The following BPIFB2 variants were observed in gnomAD, a reference collection of about 807,000 sequenced individuals.
The protein encoded by BPIFB2 is BPI fold containing family B member 2, also known as BPI fold-containing family B member 2.
A neutral mutation model predicts 50.1 loss-of-function variants in BPIFB2; 39 were observed. The ratio of observed to expected loss-of-function variants is 0.78; its 90% CI spans 0.60 to 1.02. The LOEUF is 1.02. Among genes scored for constraint, BPIFB2 ranks in the 50% least tolerant of loss-of-function variants. The pLI is 0.00. For synonymous variants in BPIFB2, 280 were observed against 256.3 expected, an observed-to-expected ratio of 1.09 and a Z score of -0.88; for missense variants, 574 against 585.8, an observed-to-expected ratio of 0.98 and a Z score of 0.21.
At position 33,008,674 on chromosome 20, in the gene BPIFB2, T is replaced by C. The variant is rs766441754; in HGVS notation, c.100T>C (p.Leu34=). 67 of 1,602,604 alleles carry C rather than the reference T, an allele frequency of 4.2e-5. No homozygotes were observed. The highest frequency in any genetic ancestry group is 1.7e-4 in the South Asian group (15 of 88,810). The change falls in exon 2 of 16, where the codon TTG becomes CTG. Residue 34 remains leucine (L), a synonymous_variant. Transcript: ENST00000170150. The part of the protein sequence containing the change: ...GTVVRLNKAA[L]SYVSEIGKAP... Reference sequence around the variant, plus strand: ...CGTGGTCCGACTCAACAAGGCAGCATTGAGCTACGGTAAGCGGTGTGTTAC... The same window carrying C: ...CGTGGTCCGACTCAACAAGGCAGCACTGAGCTACGGTAAGCGGTGTGTTAC...
rs370240092 is a variant in BPIFB2 at position 33,018,717 on chromosome 20, C to T, written c.750C>T (p.Thr250=). 15 of 1,614,078 alleles carry T rather than the reference C, an allele frequency of 9.3e-6. No homozygotes were observed. In the East Asian group the frequency reaches 1.6e-4, roughly 17 times the overall value. Reference sequence around the variant, plus strand: ...TTGTGTTGCCAAGGCATGTGGGTACCGAGGGCTCCATGGCCACCGTGGGCC... The same window carrying T: ...TTGTGTTGCCAAGGCATGTGGGTACTGAGGGCTCCATGGCCACCGTGGGCC... ...TPFVLPRHVG[T]EGSMATVGLS... is the part of the protein sequence containing the mutation. The change falls in exon 9 of 16, where the codon ACC becomes ACT. Residue 250 remains threonine (T), a synonymous_variant. Transcript: ENST00000170150.
Position 33,018,821 on chromosome 20 carries a change from T to C in BPIFB2, c.854T>C (p.Leu285Pro). 3 of 1,610,584 alleles carry C rather than the reference T, an allele frequency of 1.9e-6. No homozygotes were observed. Among genetic ancestry groups the C allele is most frequent in the Non-Finnish European group, 2.5e-6 (3 of 1,178,580 alleles). The change falls in exon 9 of 16, where the codon CTG becomes CCG. Residue 285 changes from leucine to proline, a missense_variant and splice_region_variant. Transcript: ENST00000170150. ...GALNLDITGQ[L>P]RSDDNLLNTS... ...CTCAACCTGGACATCACAGGGCAGC[T>C]GGTGAGGGCCCGACCTGCAGCCCAG...
Position 33,023,360 on chromosome 20 carries a change from AGTG to A in BPIFB2, c.1356_1358del (p.Ser452_Gly453delinsArg). The A allele has an allele frequency of 1.2e-6, 2 of 1,613,964 alleles. No homozygotes were observed. The highest frequency in any genetic ancestry group is 1.7e-6 in the Non-Finnish European group (2 of 1,179,916). ...CCTTCAGGGCTACGTGGTGATATCC[AGTG>A]GACTCTTCTACCAGAGCTGAGGCAA... On this transcript the variant is annotated inframe_deletion, in exon 16 of 16. Transcript: ENST00000170150.
At chr20:33,021,132 G>A in intron 13 of BPIFB2, 149 bp from the exon 14 acceptor site, 1 of 859,248 alleles carries the variant, frequency 1.2e-6, no homozygotes, top group Non-Finnish European at 1.8e-6. Flanking sequence ...CCCAGGACAT[G>A]GGTGATCTGC....
chr20:33,021,831 T>G (rs775762145), intron 15 of BPIFB2, 32 bp downstream of exon 15: 2 of 1,593,436 alleles, frequency 1.3e-6, no homozygotes, highest in Non-Finnish European at 1.7e-6. Context: ...CAGAGGGGCC[T>G]CCTTCACTCA....
At chr20:33,019,809 CT>C in intron 11 of BPIFB2, 59 bp downstream of exon 11, 1 of 1,491,064 alleles carries the variant, frequency 6.7e-7, no homozygotes, top group South Asian at 1.4e-5. Context: ...TCCCTCCCTG[CT>C]TCACTGTCCC....
At chr20:33,018,467 T>A in intron 8 of BPIFB2, 117 bp downstream of exon 8, 1 of 1,291,408 alleles carries the variant, frequency 7.7e-7, no homozygotes, top group Non-Finnish European at 1.1e-6. Flanking sequence ...GCTGGAATAG[T>A]GTCCCAGCCG....
intron 3 of BPIFB2, 143 bp downstream of exon 3, chr20:33,011,260 C>A (rs1308831014): frequency 8.4e-6 from 6 of 717,562 alleles, no homozygotes; most frequent in Non-Finnish European, 1.4e-5. Context: ...GTGTTCCAGT[C>A]CACCAGATGA....
intron 13 of BPIFB2, among the ~76,000 whole-genome samples, chr20:33,020,921 T>G (rs543045362): frequency 1.3e-5 from 2 of 152,260 alleles, no homozygotes; most frequent in South Asian, 2.1e-4. Flanking sequence ...CATGCCCCCC[T>G]TCTACCCAGC....
rs115238812 is a variant in BPIFB2 at position 33,016,617 on chromosome 20, G to A, written c.517-425G>A. Reference sequence around the variant, plus strand: ...CAGGGAAAACCTCTGTAGCTCCCTGGCCTGGCATCTGAAGCTTGGCCTGGT... The same window carrying A: ...CAGGGAAAACCTCTGTAGCTCCCTGACCTGGCATCTGAAGCTTGGCCTGGT... On this transcript the variant is annotated intron_variant, in intron 6 of 15. Transcript: ENST00000170150. 5.1e-3 allele frequency among the ~76,000 whole-genome samples: 771 copies of A among 152,284 alleles called. 7 individuals carry two copies. The highest frequency in any genetic ancestry group is 0.017 in the African/African-American group (719 of 41,548).
In BPIFB2 at chr20:33,015,413, C is replaced by T. The variant is rs781404155; in HGVS notation, c.456-23C>T. 21 of 1,605,510 alleles carry T rather than the reference C, an allele frequency of 1.3e-5. 1 individual carries two copies. In the South Asian group the frequency reaches 2.0e-4, roughly 15 times the overall value. ...CTTAATATGTTTGGGAGCCCAGGAA[C>T]TCTTTCTGTGTTTCTCCCTCAGCAC... On this transcript the variant is annotated intron_variant, in intron 5 of 15. Coordinates refer to ENST00000170150, the MANE Select transcript of BPIFB2 (RefSeq NM_025227.3).
At chr20:33,022,273 A>G (rs1978702700) in intron 15 of BPIFB2, among the ~76,000 whole-genome samples, 1 of 152,218 alleles carries the variant, frequency 6.6e-6, no homozygotes, top group Non-Finnish European at 1.5e-5. Context: ...TGGGATATAA[A>G]AGGAAATTCA....
chr20:33,014,671 T>G (rs1307903374), intron 5 of BPIFB2, among the ~76,000 whole-genome samples: 4 of 152,208 alleles, frequency 2.6e-5, no homozygotes, highest in Non-Finnish European at 5.9e-5. Flanking sequence ...GCTGAGGTGT[T>G]GAGCATCTTG....
At chr20:33,010,442 C>T (rs542106037) in intron 2 of BPIFB2, among the ~76,000 whole-genome samples, 1 of 152,342 alleles carries the variant, frequency 6.6e-6, no homozygotes, top group African/African-American at 2.4e-5. Context: ...TTACAATGAT[C>T]CTATGTGACA....
In BPIFB2 at chr20:33,023,608, C is replaced by T. The variant is rs543242829; in HGVS notation, c.*225C>T. ...CTCCTCCCTCTTCCCTCATCTCCCCCCTCCTTCCTCTGCCCCACCCCAGCG... is the reference window on the plus strand; with the variant it reads ...CTCCTCCCTCTTCCCTCATCTCCCCTCTCCTTCCTCTGCCCCACCCCAGCG... On this transcript the variant is annotated 3_prime_UTR_variant, in exon 16 of 16. Transcript: ENST00000170150. 1.5e-5 allele frequency: 9 copies of T among 618,094 alleles called. No homozygotes were observed. The highest frequency in any genetic ancestry group is 7.5e-5 in the South Asian group (4 of 53,306). 38.3% of individuals were successfully genotyped at this position (618,094 alleles called of 1,614,324 possible). A position where few individuals can be genotyped will look rare whatever the true frequency, so the allele number is the denominator to read the frequency against.
chr20:33,014,562 A>G (rs1478387112), intron 5 of BPIFB2, among the ~76,000 whole-genome samples: 1 of 152,150 alleles, frequency 6.6e-6, no homozygotes, highest in African/African-American at 2.4e-5. Context: ...CCGGCTGACA[A>G]ATGGTGTAAC....
At chr20:33,011,917 T>G (rs1990294498) in intron 3 of BPIFB2, among the ~76,000 whole-genome samples, 1 of 152,150 alleles carries the variant, frequency 6.6e-6, no homozygotes, top group Non-Finnish European at 1.5e-5. Context: ...AGGCAGAGGT[T>G]GCAGTGAGCC....
At chr20:33,008,482 C>T (rs1405577411) in intron 1 of BPIFB2, 59 bp from the exon 2 acceptor site, 7 of 1,010,378 alleles carry the variant, frequency 6.9e-6, no homozygotes, top group South Asian at 6.5e-5. Flanking sequence ...GAGTGGGGTT[C>T]GGGTGGCTCA....
chr20:33,019,085 C>T lies in BPIFB2; in HGVS notation c.879C>T (p.Asn293=). The change falls in exon 10 of 16, where the codon AAC becomes AAT. Residue 293 remains asparagine, a synonymous_variant. Transcript: ENST00000170150. ...GQLRSDDNLL[N]TSALGRLIPE... is the part of the protein sequence containing the mutation. ...AGAGGTCGGATGACAACCTGCTGAA[C>T]ACCTCTGCTCTGGGCCGGCTCATCC... 2 of 1,614,146 alleles carry T rather than the reference C, an allele frequency of 1.2e-6. No homozygotes were observed. Among genetic ancestry groups the T allele is most frequent in the Non-Finnish European group, 1.7e-6 (2 of 1,180,018 alleles).
Sources: allele counts gnomAD v4.1 joint callset (sites outside exome capture counted in the v4.1 genomes callset), GRCh38; gene constraint gnomAD v4.1.1; transcripts MANE v1.5; gene names NCBI Gene and HGNC (gene_info 2026-07-23, HGNC 2026-07-21).